Variants in HOMER1 observed in about 807,000 individuals in gnomAD.
HOMER1 encodes homer scaffold protein 1.
HOMER1 carries 3 observed loss-of-function variants against 48.9 expected under a neutral mutation model. The observed-to-expected ratio is 0.06, with a 90% CI of 0.03 to 0.16. The LOEUF is 0.16. HOMER1 is among the 10% of genes least tolerant of loss of function. HOMER1 has a pLI of 1.00. For synonymous variants in HOMER1, 134 were observed against 146.4 expected, an observed-to-expected ratio of 0.92 and a Z score of 0.61; for missense variants, 247 against 411.4, an observed-to-expected ratio of 0.60 and a Z score of 3.46.
chr5:79,392,898 A>G (rs1749286576), intron 8 of HOMER1, among the ~76,000 whole-genome samples: 1 of 152,002 alleles, frequency 6.6e-6, no homozygotes, highest in Non-Finnish European at 1.5e-5. Context: ...GCTTAGATAC[A>G]AATACATGAA....
intron 8 of HOMER1, among the ~76,000 whole-genome samples, chr5:79,385,513 A>G (rs963698326): frequency 1.3e-5 from 2 of 152,154 alleles, no homozygotes; most frequent in African/African-American, 4.8e-5. Context: ...CAATATCACT[A>G]ATCATCAAGG....
chr5:79,476,550 CTCTT>C (rs1477163745), intron 1 of HOMER1, among the ~76,000 whole-genome samples: 1 of 152,268 alleles, frequency 6.6e-6, no homozygotes, highest in Non-Finnish European at 1.5e-5. Context: ...CTACTGCCCT[CTCTT>C]TGAGTTCGAT....
At chr5:79,389,198 A>G (rs1580417507) in intron 8 of HOMER1, among the ~76,000 whole-genome samples, 1 of 152,166 alleles carries the variant, frequency 6.6e-6, no homozygotes, top group African/African-American at 2.4e-5. Flanking sequence ...TAACTCAATG[A>G]AAGAAAATTA....
intron 5 of HOMER1, among the ~76,000 whole-genome samples, chr5:79,430,702 G>GC (rs1024129900): frequency 6.6e-5 from 10 of 152,190 alleles, no homozygotes; most frequent in African/African-American, 2.4e-4. Flanking sequence ...ACTTTGGGAG[G>GC]CCGAGGCGGG....
intron 2 of HOMER1, among the ~76,000 whole-genome samples, chr5:79,454,382 G>T (rs1751107840): frequency 1.3e-5 from 2 of 151,842 alleles, no homozygotes; most frequent in Admixed American, 6.6e-5. Flanking sequence ...TTCTAATAAA[G>T]GAGGCACGTT....
At chr5:79,449,533 C>T (rs28414838) in intron 3 of HOMER1, among the ~76,000 whole-genome samples, 41,187 of 152,084 alleles carry the variant, frequency 0.27, 5,709 homozygotes, top group South Asian at 0.38. Context: ...AGTGCAGTGT[C>T]GCAATCCTGG....
intron 5 of HOMER1, among the ~76,000 whole-genome samples, chr5:79,419,987 A>C (rs1278631768): frequency 6.9e-6 from 1 of 144,224 alleles, no homozygotes; most frequent in Non-Finnish European, 1.5e-5. Context: ...ATGATTAAAG[A>C]AGCATTCTTT....
intron 8 of HOMER1, among the ~76,000 whole-genome samples, chr5:79,391,930 G>A (rs1186500336): frequency 6.6e-6 from 1 of 152,062 alleles, no homozygotes; most frequent in Admixed American, 6.6e-5. Flanking sequence ...AACAGCATAT[G>A]CAACAGTGGT....
chr5:79,498,878 G>C (rs559334135), intron 1 of HOMER1, among the ~76,000 whole-genome samples: 1 of 147,632 alleles, frequency 6.8e-6, no homozygotes, highest in African/African-American at 2.5e-5. Context: ...TCTGTCGCCA[G>C]GCTGGAGTGC....
Position 79,444,098 on chromosome 5 carries a change from G to A in HOMER1, c.387+2955C>T, listed in dbSNP as rs545436943. Among the ~76,000 whole-genome samples the A allele has an allele frequency of 7.2e-5, 11 of 152,180 alleles. 1 individual carries two copies. In the East Asian group the frequency reaches 1.7e-3, roughly 24 times the overall value. ...CTATTATCAATTACCCCACTTAACC[G>A]TTCTTTTGCTAAATTCCAGAGTTAC... On this transcript the variant is annotated intron_variant, in intron 4 of 8. Coordinates refer to ENST00000334082, the MANE Select transcript of HOMER1 (RefSeq NM_004272.5).
intron 5 of HOMER1, among the ~76,000 whole-genome samples, chr5:79,411,826 A>G (rs541474132): frequency 9.9e-5 from 15 of 152,136 alleles, no homozygotes; most frequent in Non-Finnish European, 1.9e-4. Context: ...AACAATTTAA[A>G]AACAGGGTGC....
chr5:79,503,141 A>C (rs1369493437), intron 1 of HOMER1, among the ~76,000 whole-genome samples: 1 of 152,220 alleles, frequency 6.6e-6, no homozygotes, highest in Admixed American at 6.5e-5. Context: ...TGTTGACTGG[A>C]AACCTTATTG....
intron 5 of HOMER1, among the ~76,000 whole-genome samples, chr5:79,420,173 G>A (rs776442099): frequency 1.3e-5 from 2 of 152,072 alleles, no homozygotes; most frequent in African/African-American, 2.4e-5. Context: ...TGATATTTTG[G>A]AGGATACAGA....
intron 6 of HOMER1, among the ~76,000 whole-genome samples, chr5:79,401,415 C>G (rs986210209): frequency 2.6e-5 from 4 of 152,058 alleles, no homozygotes; most frequent in South Asian, 2.1e-4. Context: ...CAGATAATAA[C>G]CGGCAGAACT....
intron 8 of HOMER1, among the ~76,000 whole-genome samples, chr5:79,386,666 C>A (rs748824620): frequency 5.3e-5 from 8 of 152,174 alleles, no homozygotes; most frequent in Admixed American, 3.9e-4. Flanking sequence ...GAGCTGAATA[C>A]CTCGAACACC....
At chr5:79,503,189 T>C (rs572565247) in intron 1 of HOMER1, among the ~76,000 whole-genome samples, 2 of 152,328 alleles carry the variant, frequency 1.3e-5, no homozygotes, top group Non-Finnish European at 2.9e-5. Context: ...ATGTGTATTA[T>C]ATACTGTACT....
intron 1 of HOMER1, among the ~76,000 whole-genome samples, chr5:79,488,495 G>A (rs987537640): frequency 6.6e-6 from 1 of 152,142 alleles, no homozygotes. Flanking sequence ...TTGAGTTTTA[G>A]TATGGTAAAC....
chr5:79,460,595 G>A (rs1172219021), intron 1 of HOMER1, among the ~76,000 whole-genome samples: 1 of 152,154 alleles, frequency 6.6e-6, no homozygotes, highest in African/African-American at 2.4e-5. Context: ...GTAAATTTAG[G>A]AAGCAGTATC....
intron 1 of HOMER1, among the ~76,000 whole-genome samples, chr5:79,492,945 G>A (rs1327650958): frequency 1.8e-5 from 2 of 113,248 alleles, no homozygotes; most frequent in Non-Finnish European, 3.3e-5. Flanking sequence ...TAAAGACAGA[G>A]TCTCACTCTG....
Sources: allele counts gnomAD v4.1 joint callset (sites outside exome capture counted in the v4.1 genomes callset), GRCh38; gene constraint gnomAD v4.1.1; transcripts MANE v1.5; gene names NCBI Gene and HGNC (gene_info 2026-07-23, HGNC 2026-07-21).